C10orf67: variants seen among roughly 807,000 people sequenced by gnomAD.
C10orf67 encodes uncharacterized protein C10orf67, mitochondrial.
In C10orf67, 60 loss-of-function variants were observed where a neutral mutation model predicts 35.6. The ratio of observed to expected loss-of-function variants is 1.68; its 90% CI spans 1.37 to 2.09. C10orf67 has a LOEUF of 2.09. Among genes scored for constraint, C10orf67 ranks in the 30% most tolerant of loss-of-function variants. The pLI is 0.00. For synonymous variants in C10orf67, 167 were observed against 115.8 expected, an observed-to-expected ratio of 1.44 and a Z score of -2.84; for missense variants, 474 against 330.2, an observed-to-expected ratio of 1.44 and a Z score of -3.38.
At chr10:23,207,933 G>A (rs981935676) in intron 15 of C10orf67, among the ~76,000 whole-genome samples, 3 of 152,096 alleles carry the variant, frequency 2.0e-5, no homozygotes, top group Middle Eastern at 3.2e-3. Context: ...TCACAGATGC[G>A]CTTCACATTG....
At chr10:23,330,739 CAA>C (rs10681378) in intron 2 of C10orf67, among the ~76,000 whole-genome samples, 1 of 135,822 alleles carries the variant, frequency 7.4e-6, no homozygotes. Context: ...GACTCTGTCT[CAA>C]AAAAAAAAAA....
intron 4 of C10orf67, among the ~76,000 whole-genome samples, chr10:23,305,506 G>A (rs114592835): frequency 5.7e-3 from 865 of 152,206 alleles, no homozygotes; most frequent in African/African-American, 0.02. Flanking sequence ...ATTAAAAAAT[G>A]GGCCAAGGCC....
chr10:23,215,705 G>C (rs951985180), intron 15 of C10orf67, among the ~76,000 whole-genome samples: 1 of 151,950 alleles, frequency 6.6e-6, no homozygotes, highest in Non-Finnish European at 1.5e-5. Flanking sequence ...AAAAATTATA[G>C]ACCAAACTCA....
chr10:23,218,191 G>A (rs1047922346), intron 15 of C10orf67, among the ~76,000 whole-genome samples: 3 of 152,190 alleles, frequency 2.0e-5, no homozygotes, highest in African/African-American at 7.2e-5. Context: ...CCAGGCTGAA[G>A]TGCAGTGGCG....
chr10:23,275,498 G>A (rs140918215), intron 8 of C10orf67, among the ~76,000 whole-genome samples: 2 of 152,084 alleles, frequency 1.3e-5, no homozygotes, highest in East Asian at 1.9e-4. Context: ...TAGGTTGCAG[G>A]TTTACATTTG....
At chr10:23,267,324 C>A in intron 8 of C10orf67, 70 bp from the exon 9 acceptor site, 1 of 649,576 alleles carries the variant, frequency 1.5e-6, no homozygotes, top group Non-Finnish European at 2.8e-6. Context: ...TTCTATAAAA[C>A]TTCTATAAGC....
intron 15 of C10orf67, among the ~76,000 whole-genome samples, chr10:23,216,989 T>C (rs553185863): frequency 6.6e-6 from 1 of 152,356 alleles, no homozygotes; most frequent in South Asian, 2.1e-4. Context: ...TATATTCCCT[T>C]AATATCTGAA....
Position 23,303,461 on chromosome 10 carries a change from T to A in C10orf67, c.547-2A>T. 1 of 549,424 alleles carries A rather than the reference T, an allele frequency of 1.8e-6. No individual in the cohort carries two copies. Among genetic ancestry groups the A allele is most frequent in the Non-Finnish European group, 3.3e-6 (1 of 303,930 alleles). The allele number at this position is 549,424 out of a possible 1,614,324, so 34.0% of individuals were successfully genotyped here. On this transcript the variant is annotated splice_acceptor_variant, in intron 4 of 15. Coordinates refer to ENST00000636213, the MANE Select transcript of C10orf67 (RefSeq NM_001371909.1). LOFTEE classifies it high-confidence loss of function. ...CTCTTCTTCTACCTCAAAGAATTGC[T>A]AGGGACAAAAAAAAGCAGCATTAAA...
intron 10 of C10orf67, among the ~76,000 whole-genome samples, chr10:23,256,590 T>C (rs539638743): frequency 4.6e-5 from 7 of 151,866 alleles, no homozygotes; most frequent in Non-Finnish European, 1.0e-4. Context: ...AGCTAAAATA[T>C]AAAGAACTTC....
chr10:23,304,617 T>G (rs1158471743), intron 4 of C10orf67, among the ~76,000 whole-genome samples: 2 of 152,102 alleles, frequency 1.3e-5, no homozygotes, highest in Non-Finnish European at 2.9e-5. Flanking sequence ...TCTGGAGGCA[T>G]GTCTGCAGAC....
intron 2 of C10orf67, among the ~76,000 whole-genome samples, chr10:23,329,307 A>G (rs1438580782): frequency 6.6e-6 from 1 of 152,094 alleles, no homozygotes; most frequent in Non-Finnish European, 1.5e-5. Flanking sequence ...TAAATATTAT[A>G]CCAATAATTT....
intron 4 of C10orf67, among the ~76,000 whole-genome samples, chr10:23,309,681 G>A (rs1031005940): frequency 8.5e-5 from 13 of 152,134 alleles, no homozygotes; most frequent in Admixed American, 3.3e-4. Context: ...AGCATGTCAC[G>A]GAAGTGCCCT....
chr10:23,314,483 A>AACACACACAC (rs56043614), intron 4 of C10orf67, among the ~76,000 whole-genome samples: 99 of 135,834 alleles, frequency 7.3e-4, no homozygotes, highest in Middle Eastern at 3.6e-3. Context: ...ATTAAGTTAA[A>AACACACACAC]ACACACACAC....
chr10:23,249,200 G>A (rs911881099), intron 12 of C10orf67, among the ~76,000 whole-genome samples: 9 of 147,624 alleles, frequency 6.1e-5, no homozygotes, highest in Non-Finnish European at 1.2e-4. Context: ...CTGAAGAATA[G>A]GGTAAATCCC....
At chr10:23,333,475 TG>T (rs1845557817) in intron 1 of C10orf67, among the ~76,000 whole-genome samples, 1 of 152,196 alleles carries the variant, frequency 6.6e-6, no homozygotes, top group Admixed American at 6.5e-5. Flanking sequence ...TGTTATTGCC[TG>T]TGCTACTGCT....
At chr10:23,289,864 A>G in intron 7 of C10orf67, 36 bp downstream of exon 7, 1 of 713,286 alleles carries the variant, frequency 1.4e-6, no homozygotes, top group South Asian at 1.5e-5. Context: ...AGTTCCATTT[A>G]AAAGAGTCAT....
At chr10:23,340,273 G>A (rs1053230847) in intron 1 of C10orf67, among the ~76,000 whole-genome samples, 1 of 150,634 alleles carries the variant, frequency 6.6e-6, no homozygotes, top group Non-Finnish European at 1.5e-5. Context: ...GGGAGGCTAA[G>A]GTGGGCAGAC....
rs149207433 is a variant in C10orf67 at position 23,308,111 on chromosome 10, C to T, written c.547-4652G>A. 1.2e-3 allele frequency among the ~76,000 whole-genome samples: 181 copies of T among 152,250 alleles called. 1 individual carries two copies. The highest frequency in any genetic ancestry group is 4.0e-3 in the African/African-American group (168 of 41,536). The stretch of plus-strand genomic sequence containing the variant: ...AACACCTTCACTGTCATCCTTTCTG[C>T]GTCCCCTTATTAACAGCAGCATAAG... On this transcript the variant is annotated intron_variant, in intron 4 of 15. Transcript: ENST00000636213.
chr10:23,320,682 G>C, intron 4 of C10orf67, 59 bp downstream of exon 4: 1 of 1,331,184 alleles, frequency 7.5e-7, no homozygotes, highest in Non-Finnish European at 1.1e-6. Context: ...CCCACTCCTT[G>C]CACACAGCAG....
Sources: gnomAD v4.1 joint callset for allele counts (sites outside exome capture counted in the v4.1 genomes callset) on GRCh38, gnomAD v4.1.1 for gene constraint, MANE v1.5 for transcripts, NCBI Gene and HGNC (gene_info 2026-07-23, HGNC 2026-07-21) for gene names.